FAF1: variants seen among roughly 807,000 people sequenced by gnomAD.
The protein encoded by FAF1 is Fas associated factor 1.
Under a neutral mutation model 92.5 loss-of-function variants are expected in FAF1, and 25 were observed. That is an observed-to-expected ratio of 0.27 (90% CI 0.20 to 0.38). The LOEUF is 0.38. Ranked by LOEUF, FAF1 falls within the 10% of genes least tolerant of loss-of-function variation. The probability of loss-of-function intolerance (pLI) is 1.00; values close to 1 mark genes in which losing one functional copy is unlikely to be tolerated. For missense variants in FAF1, 636 were observed against 793.3 expected (o/e 0.80, Z 2.38); for synonymous variants, 234 against 273.2 (o/e 0.86, Z 1.42).
intron 17 of FAF1, among the ~76,000 whole-genome samples, chr1:50,481,152 A>C (rs1186131987): frequency 1.3e-5 from 2 of 152,216 alleles, no homozygotes; most frequent in African/African-American, 4.8e-5. Flanking sequence ...AAGTTTACAT[A>C]AAGTAAAAAA....
At chr1:50,630,017 C>T (rs1653693773) in intron 8 of FAF1, among the ~76,000 whole-genome samples, 4 of 151,828 alleles carry the variant, frequency 2.6e-5, no homozygotes, top group Admixed American at 2.6e-4. Flanking sequence ...GAGATCACGC[C>T]ACTGCACTCC....
intron 6 of FAF1, among the ~76,000 whole-genome samples, chr1:50,718,118 C>T (rs1658262369): frequency 6.6e-6 from 1 of 152,052 alleles, no homozygotes; most frequent in South Asian, 2.1e-4. Context: ...CTCCCGAGTT[C>T]AAGCGATTCT....
intron 6 of FAF1, among the ~76,000 whole-genome samples, chr1:50,720,858 T>C (rs1456489082): frequency 2.6e-5 from 4 of 152,214 alleles, no homozygotes; most frequent in African/African-American, 7.2e-5. Flanking sequence ...TTATTCACCA[T>C]ACATTTCCTC....
intron 9 of FAF1, among the ~76,000 whole-genome samples, chr1:50,591,264 T>C (rs1267477275): frequency 6.6e-6 from 1 of 152,322 alleles, no homozygotes; most frequent in East Asian, 1.9e-4. Flanking sequence ...TACAACAGAC[T>C]CATACCTGAT....
intron 7 of FAF1, among the ~76,000 whole-genome samples, chr1:50,686,634 C>T (rs997667107): frequency 1.2e-4 from 18 of 150,372 alleles, no homozygotes; most frequent in Admixed American, 6.0e-4. Flanking sequence ...CGGGGGAGAG[C>T]GGAGGAACAC....
chr1:50,660,634 C>T (rs532181056), intron 7 of FAF1, among the ~76,000 whole-genome samples: 23 of 152,100 alleles, frequency 1.5e-4, no homozygotes, highest in Admixed American at 6.5e-4. Flanking sequence ...GCTGGGATTA[C>T]AGGAGTGTGC....
chr1:50,676,201 G>A (rs1403079580), intron 7 of FAF1, among the ~76,000 whole-genome samples: 3 of 152,058 alleles, frequency 2.0e-5, no homozygotes, highest in Admixed American at 2.0e-4. Flanking sequence ...CAGGTCAGGA[G>A]TTCAAGTCCA....
intron 4 of FAF1, among the ~76,000 whole-genome samples, chr1:50,749,342 G>A (rs1659753717): frequency 1.3e-5 from 2 of 152,010 alleles, no homozygotes. Context: ...GTTTCTTAAA[G>A]GAAAAACAAG....
intron 1 of FAF1, among the ~76,000 whole-genome samples, chr1:50,931,668 C>T (rs1645048017): frequency 6.6e-6 from 1 of 151,928 alleles, no homozygotes; most frequent in African/African-American, 2.4e-5. Context: ...CAGGTTGAGA[C>T]CATCCTAGCT....
chr1:50,541,413 C>G (rs138705001), intron 13 of FAF1, among the ~76,000 whole-genome samples: 157 of 152,242 alleles, frequency 1.0e-3, no homozygotes, highest in Non-Finnish European at 1.9e-3. Flanking sequence ...GCTCAAGCAG[C>G]CTAACCTTCT....
chr1:50,803,653 G>A (rs773030334), intron 2 of FAF1, among the ~76,000 whole-genome samples: 1 of 152,108 alleles, frequency 6.6e-6, no homozygotes, highest in Non-Finnish European at 1.5e-5. Context: ...GAAACACCTG[G>A]ATAAAATAAT....
At chr1:50,816,006 G>A (rs912360547) in intron 2 of FAF1, among the ~76,000 whole-genome samples, 51 of 148,584 alleles carry the variant, frequency 3.4e-4, no homozygotes, top group African/African-American at 1.2e-3. Flanking sequence ...CAGCCTAGGC[G>A]ATAGAGTGAG....
chr1:50,904,537 T>C (rs998255384), intron 1 of FAF1, among the ~76,000 whole-genome samples: 1 of 152,238 alleles, frequency 6.6e-6, no homozygotes, highest in African/African-American at 2.4e-5. Flanking sequence ...TACTTCATTA[T>C]GTATGCATGT....
intron 4 of FAF1, among the ~76,000 whole-genome samples, chr1:50,751,195 G>A (rs1250441479): frequency 6.6e-6 from 1 of 151,076 alleles, no homozygotes; most frequent in Non-Finnish European, 1.5e-5. Flanking sequence ...GGAATATAAG[G>A]CAGCTTTGTA....
intron 13 of FAF1, among the ~76,000 whole-genome samples, chr1:50,561,856 A>C (rs181545402): frequency 1.4e-5 from 2 of 144,852 alleles, no homozygotes; most frequent in East Asian, 2.0e-4. Flanking sequence ...GACGGAAGGA[A>C]GGAAGGAAGG....
At chr1:50,625,435 C>A (rs1402519589) in intron 8 of FAF1, among the ~76,000 whole-genome samples, 1 of 152,174 alleles carries the variant, frequency 6.6e-6, no homozygotes, top group Non-Finnish European at 1.5e-5. Context: ...TAAACTTATA[C>A]ACAAGAAGTG....
chr1:50,904,860 T>A lies in FAF1; in HGVS notation c.46-46863A>T, dbSNP rs1644823045. On this transcript the variant is annotated intron_variant, in intron 1 of 18. Transcript: ENST00000396153. ...ATCAATATCTTTTAAGCCATCTGAATAATATTTCCTATTTTTTTCCTTTTT... is the reference window on the plus strand; with the variant it reads ...ATCAATATCTTTTAAGCCATCTGAAAAATATTTCCTATTTTTTTCCTTTTT... Among the ~76,000 whole-genome samples the A allele has an allele frequency of 2.6e-5, 4 of 152,108 alleles. No individual in the cohort carries two copies. In the South Asian group the frequency reaches 8.3e-4, roughly 31 times the overall value.
At position 50,801,735 on chromosome 1, in the gene FAF1, TG is replaced by T. The variant is rs756814543; in HGVS notation, c.115-59del. On this transcript the variant is annotated intron_variant, in intron 2 of 18. Coordinates refer to ENST00000396153, the MANE Select transcript of FAF1 (RefSeq NM_007051.3). ...GAAACAGATAAATGCCCAAGTGTGGTGGAGAACACTTTAAAAGGAAATAAGT... is the reference window on the plus strand; with the variant it reads ...GAAACAGATAAATGCCCAAGTGTGGTGAGAACACTTTAAAAGGAAATAAGT... 1,371 of 947,502 alleles carry T rather than the reference TG, an allele frequency of 1.4e-3. 4 individuals carry two copies. Among genetic ancestry groups the T allele is most frequent in the Middle Eastern group, 3.4e-3 (16 of 4,714 alleles). 58.7% of individuals were successfully genotyped at this position (947,502 alleles called of 1,614,324 possible).
At chr1:50,879,715 C>T in intron 1 of FAF1, among the ~76,000 whole-genome samples, 1 of 152,196 alleles carries the variant, frequency 6.6e-6, no homozygotes, top group Non-Finnish European at 1.5e-5. Flanking sequence ...GCATCAGCAT[C>T]ACCTGAGAAC....
Sources: gnomAD v4.1 joint callset for allele counts (sites outside exome capture counted in the v4.1 genomes callset) on GRCh38, gnomAD v4.1.1 for gene constraint, MANE v1.5 for transcripts, NCBI Gene and HGNC (gene_info 2026-07-23, HGNC 2026-07-21) for gene names.